Variants in SRBD1 observed in about 807,000 individuals in gnomAD.
SRBD1 encodes the protein S1 RNA binding domain 1.
In SRBD1, 88 loss-of-function variants were observed where a neutral mutation model predicts 115.3. That is an observed-to-expected ratio of 0.76 (90% confidence interval 0.64 to 0.91). The LOEUF (loss-of-function observed/expected upper bound fraction) is 0.91. SRBD1 is among the 40% of genes least tolerant of loss of function. The probability of loss-of-function intolerance (pLI) is 0.00; values close to 1 mark genes in which losing one functional copy is unlikely to be tolerated. For synonymous variants in SRBD1, 509 were observed against 407.7 expected (o/e 1.25, Z -2.99); for missense variants, 1,385 against 1,177.4 (o/e 1.18, Z -2.58).
intron 16 of SRBD1, among the ~76,000 whole-genome samples, chr2:45,471,625 T>C (rs903699656): frequency 1.3e-5 from 2 of 152,120 alleles, no homozygotes; most frequent in Non-Finnish European, 2.9e-5. Context: ...CTACCAGCAG[T>C]GTATATAAAA....
At chr2:45,419,928 G>A (rs370481739) in intron 16 of SRBD1, 34 bp from the exon 17 acceptor site, 4 of 1,575,564 alleles carry the variant, frequency 2.5e-6, no homozygotes, top group African/African-American at 1.3e-5. Context: ...TAACAGTGAA[G>A]GAGATGTAGT....
At chr2:45,570,269 A>G (rs1325833400) in intron 9 of SRBD1, among the ~76,000 whole-genome samples, 1 of 152,246 alleles carries the variant, frequency 6.6e-6, no homozygotes, top group Admixed American at 6.5e-5. Flanking sequence ...GACCAAGGGC[A>G]AGCATTTAAT....
At chr2:45,419,677 C>T (rs756173295) in intron 17 of SRBD1, 111 bp downstream of exon 17, 25 of 823,850 alleles carry the variant, frequency 3.0e-5, no homozygotes, top group Non-Finnish European at 4.9e-5. Context: ...AACCCATAGA[C>T]GTTCTCTACT....
chr2:45,423,988 C>A (rs1384170193), intron 16 of SRBD1, among the ~76,000 whole-genome samples: 1 of 152,080 alleles, frequency 6.6e-6, no homozygotes, highest in African/African-American at 2.4e-5. Flanking sequence ...AAGAATAGTA[C>A]TAAAACTTTA....
chr2:45,560,839 G>A (rs1367812760), intron 10 of SRBD1, among the ~76,000 whole-genome samples: 1 of 151,868 alleles, frequency 6.6e-6, no homozygotes, highest in Non-Finnish European at 1.5e-5. Context: ...GGCATGGTGG[G>A]TCACGCCTGT....
At chr2:45,458,914 A>G (rs895582909) in intron 16 of SRBD1, among the ~76,000 whole-genome samples, 4 of 148,544 alleles carry the variant, frequency 2.7e-5, no homozygotes, top group Non-Finnish European at 4.4e-5. Flanking sequence ...GACCAACTAT[A>G]AATCCACAAG....
intron 14 of SRBD1, among the ~76,000 whole-genome samples, chr2:45,497,602 C>CG (rs1558435088): frequency 6.6e-6 from 1 of 152,120 alleles, no homozygotes; most frequent in Admixed American, 6.5e-5. Flanking sequence ...CTTCTGGTCC[C>CG]GGGCCCACAC....
chr2:45,554,527 T>C (rs1186832893), intron 10 of SRBD1, among the ~76,000 whole-genome samples: 1 of 152,130 alleles, frequency 6.6e-6, no homozygotes, highest in Non-Finnish European at 1.5e-5. Context: ...ACTCTATTGC[T>C]CAGGCCACAA....
At chr2:45,567,861 A>G (rs1226368255) in intron 9 of SRBD1, 2 of 152,252 alleles carry the variant, frequency 1.3e-5, no homozygotes, top group East Asian at 3.8e-4. Flanking sequence ...TAAGTATACC[A>G]TAATATCACA....
At chr2:45,492,690 C>CG (rs1182787596) in intron 14 of SRBD1, among the ~76,000 whole-genome samples, 2 of 152,196 alleles carry the variant, frequency 1.3e-5, no homozygotes, top group African/African-American at 4.8e-5. Flanking sequence ...CCGCCTGCCT[C>CG]GGCCTCCCAA....
At chr2:45,463,091 T>C (rs1002537026) in intron 16 of SRBD1, among the ~76,000 whole-genome samples, 1 of 151,488 alleles carries the variant, frequency 6.6e-6, no homozygotes, top group Non-Finnish European at 1.5e-5. Flanking sequence ...AGAATTCCTT[T>C]CCATGATCAC....
intron 9 of SRBD1, chr2:45,569,485 T>C (rs965211297): frequency 3.3e-5 from 5 of 152,182 alleles, no homozygotes; most frequent in African/African-American, 1.2e-4. Flanking sequence ...TGTGCCACCA[T>C]GCAAAACAAT....
intron 16 of SRBD1, among the ~76,000 whole-genome samples, chr2:45,449,462 C>T (rs543562031): frequency 3.9e-5 from 6 of 152,218 alleles, no homozygotes; most frequent in East Asian, 1.9e-4. Context: ...ATTCTGAAAT[C>T]GCCATATGAC....
At chr2:45,475,180 C>G (rs1248620141) in intron 16 of SRBD1, among the ~76,000 whole-genome samples, 4 of 152,176 alleles carry the variant, frequency 2.6e-5, no homozygotes, top group African/African-American at 9.7e-5. Flanking sequence ...ATCCACATAT[C>G]AGAACCCTTG....
At chr2:45,552,714 T>C (rs543081019) in intron 11 of SRBD1, among the ~76,000 whole-genome samples, 122 of 152,312 alleles carry the variant, frequency 8.0e-4, no homozygotes, top group African/African-American at 2.9e-3. Context: ...AAAGGAACAA[T>C]ATTTTTAGGC....
chr2:45,506,488 T>G (rs1293660390), intron 14 of SRBD1, among the ~76,000 whole-genome samples: 1 of 152,148 alleles, frequency 6.6e-6, no homozygotes, highest in African/African-American at 2.4e-5. Flanking sequence ...AAGCTGGAGT[T>G]TCCTCCAGCT....
chr2:45,477,846 A>G (rs1434992102), intron 15 of SRBD1, among the ~76,000 whole-genome samples: 2 of 152,048 alleles, frequency 1.3e-5, no homozygotes, highest in Non-Finnish European at 2.9e-5. Flanking sequence ...CTCTTAACAC[A>G]CCATAGTTCT....
At chr2:45,563,292 T>C (rs1178550625) in intron 9 of SRBD1, among the ~76,000 whole-genome samples, 4 of 152,048 alleles carry the variant, frequency 2.6e-5, no homozygotes, top group African/African-American at 9.7e-5. Flanking sequence ...TGAAACTAAC[T>C]TGTTGCAAAT....
At chr2:45,585,563 G>A in intron 5 of SRBD1, 45 bp downstream of exon 5, 1 of 1,565,014 alleles carries the variant, frequency 6.4e-7, no homozygotes, top group Middle Eastern at 1.7e-4. Context: ...TTCCTCATTG[G>A]CCTTTTCCCC....
Sources: gnomAD v4.1 joint callset for allele counts (sites outside exome capture counted in the v4.1 genomes callset) on GRCh38, gnomAD v4.1.1 for gene constraint, MANE v1.5 for transcripts, NCBI Gene and HGNC (gene_info 2026-07-23, HGNC 2026-07-21) for gene names.